ESRRG: variants seen among roughly 807,000 people sequenced by gnomAD.
ESRRG encodes the protein estrogen related receptor gamma, also known as estrogen-related receptor gamma.
Under a neutral mutation model 44.0 loss-of-function variants are expected in ESRRG, and 13 were observed. That is an observed-to-expected ratio of 0.30 (90% CI 0.19 to 0.47). The LOEUF is 0.47. ESRRG is among the 20% of genes least tolerant of loss of function. ESRRG has a pLI of 1.00. For missense variants in ESRRG, 395 were observed against 580.6 expected (o/e 0.68, Z 3.29); for synonymous variants, 215 against 214.6 (o/e 1.00, Z -0.02).
intron 1 of ESRRG, among the ~76,000 whole-genome samples, chr1:217,079,114 A>G (rs1237875078): frequency 6.6e-6 from 1 of 152,214 alleles, no homozygotes; most frequent in Non-Finnish European, 1.5e-5. Flanking sequence ...TAGTAGTGAA[A>G]GTTAAGACAG....
chr1:216,601,919 C>G (rs937102739), intron 3 of ESRRG, among the ~76,000 whole-genome samples: 13 of 152,168 alleles, frequency 8.5e-5, no homozygotes, highest in African/African-American at 3.1e-4. Flanking sequence ...ATTCAAAGCC[C>G]TACAACCGAT....
chr1:217,016,360 G>A (rs1203836069), intron 1 of ESRRG, among the ~76,000 whole-genome samples: 3 of 151,950 alleles, frequency 2.0e-5, no homozygotes, highest in Non-Finnish European at 4.4e-5. Context: ...CATGTGATCC[G>A]ATATGTGATC....
intron 2 of ESRRG, among the ~76,000 whole-genome samples, chr1:216,760,587 A>T (rs1037542849): frequency 6.6e-6 from 1 of 151,992 alleles, no homozygotes; most frequent in Non-Finnish European, 1.5e-5. Context: ...TGGGTGACAC[A>T]GGGAGGTCTT....
At chr1:216,539,848 ATTAAG>A (rs941389471) in intron 5 of ESRRG, among the ~76,000 whole-genome samples, 3 of 152,098 alleles carry the variant, frequency 2.0e-5, no homozygotes, top group Admixed American at 6.6e-5. Flanking sequence ...AAAAAAGCGA[ATTAAG>A]TTAATTTGAG....
intron 1 of ESRRG, among the ~76,000 whole-genome samples, chr1:216,993,497 A>G (rs17044837): frequency 0.014 from 2,145 of 152,302 alleles, 72 homozygotes; most frequent in East Asian, 0.093. Context: ...GAGCAGAGAC[A>G]GTTGGATTTA....
At chr1:216,775,551 CTTTTTTTTTTTTTT>C (rs71163765) in intron 2 of ESRRG, among the ~76,000 whole-genome samples, 37 of 74,770 alleles carry the variant, frequency 4.9e-4, no homozygotes, top group African/African-American at 1.6e-3. Flanking sequence ...AATGTCACAT[CTTTTTTTTTTTTTT>C]TTTTTTTTTT....
chr1:216,856,766 T>C (rs2095948847), intron 2 of ESRRG, among the ~76,000 whole-genome samples: 1 of 152,182 alleles, frequency 6.6e-6, no homozygotes, highest in Non-Finnish European at 1.5e-5. Context: ...ATTTTCCAAC[T>C]GCAAAGAGAT....
intron 2 of ESRRG, among the ~76,000 whole-genome samples, chr1:216,881,848 C>G (rs1247922583): frequency 6.6e-6 from 1 of 152,072 alleles, no homozygotes; most frequent in Non-Finnish European, 1.5e-5. Flanking sequence ...GTGTTGTGAA[C>G]CATCTGGTAA....
intron 1 of ESRRG, among the ~76,000 whole-genome samples, chr1:216,995,187 C>T (rs182166670): frequency 3.9e-4 from 60 of 152,302 alleles, no homozygotes; most frequent in Non-Finnish European, 6.6e-4. Context: ...AATACATATG[C>T]ATGCCCTGTT....
At position 216,677,153 on chromosome 1, in the gene ESRRG, CCA is replaced by C. The variant is rs780654625; in HGVS notation, c.393_394del (p.Cys131TrpfsTer2). The C allele has an allele frequency of 6.2e-7, 1 of 1,614,078 alleles. No homozygotes were observed. Among genetic ancestry groups the C allele is most frequent in the Non-Finnish European group, 8.5e-7 (1 of 1,179,942 alleles). Reference sequence around the variant, plus strand: ...ATAGTGGTACCCAGAAGCGATGTCACCACACACTAAACACAGTCTCTTGGGCA... The same window carrying C: ...ATAGTGGTACCCAGAAGCGATGTCACCACACTAAACACAGTCTCTTGGGCA... On this transcript the variant is annotated frameshift_variant, in exon 2 of 7. Transcript: ENST00000408911. LOFTEE classifies it high-confidence loss of function.
chr1:217,002,999 C>A (rs1225952447), intron 1 of ESRRG, among the ~76,000 whole-genome samples: 1 of 152,124 alleles, frequency 6.6e-6, no homozygotes, highest in African/African-American at 2.4e-5. Context: ...GTTACTCAAG[C>A]GCAGATAACT....
chr1:216,735,471 T>C (rs1357215042), intron 2 of ESRRG, among the ~76,000 whole-genome samples: 8 of 151,518 alleles, frequency 5.3e-5, no homozygotes, highest in Admixed American at 5.3e-4. Context: ...GCCTCCCAAA[T>C]TGCTGGGATT....
At chr1:216,860,181 C>T (rs1264999618) in intron 2 of ESRRG, among the ~76,000 whole-genome samples, 1 of 152,148 alleles carries the variant, frequency 6.6e-6, no homozygotes, top group African/African-American at 2.4e-5. Flanking sequence ...AGAAGAATTG[C>T]TTAAACCTGG....
intron 2 of ESRRG, among the ~76,000 whole-genome samples, chr1:216,740,298 A>G (rs1444667967): frequency 6.6e-6 from 1 of 152,182 alleles, no homozygotes; most frequent in African/African-American, 2.4e-5. Context: ...TTGATAAGGG[A>G]GTTAAAAACC....
chr1:217,102,700 C>T (rs1261847742), intron 1 of ESRRG, among the ~76,000 whole-genome samples: 1 of 152,172 alleles, frequency 6.6e-6, no homozygotes, highest in Non-Finnish European at 1.5e-5. Flanking sequence ...ACATTCCAAG[C>T]AATGTTTTTC....
intron 2 of ESRRG, among the ~76,000 whole-genome samples, chr1:216,841,780 C>A (rs183205532): frequency 1.6e-3 from 245 of 152,202 alleles, no homozygotes; most frequent in African/African-American, 5.5e-3. Flanking sequence ...GGGAAATGCA[C>A]ATGTTGGTTC....
intron 3 of ESRRG, among the ~76,000 whole-genome samples, chr1:216,594,373 T>C (rs923071961): frequency 1.3e-5 from 2 of 152,220 alleles, no homozygotes; most frequent in African/African-American, 4.8e-5. Flanking sequence ...TTTCTTTGAA[T>C]ACTATTCCAA....
intron 2 of ESRRG, among the ~76,000 whole-genome samples, chr1:216,673,007 C>A (rs548078346): frequency 1.3e-5 from 2 of 152,106 alleles, no homozygotes; most frequent in African/African-American, 4.8e-5. Context: ...ATTTATGTAA[C>A]GGCCTGTCCA....
intron 2 of ESRRG, among the ~76,000 whole-genome samples, chr1:216,847,688 C>G (rs1333089362): frequency 6.6e-6 from 1 of 152,064 alleles, no homozygotes; most frequent in African/African-American, 2.4e-5. Flanking sequence ...GTCTGTGATT[C>G]TACTATGATA....
Sources: allele counts gnomAD v4.1 joint callset (sites outside exome capture counted in the v4.1 genomes callset), GRCh38; gene constraint gnomAD v4.1.1; transcripts MANE v1.5; gene names NCBI Gene and HGNC (gene_info 2026-07-23, HGNC 2026-07-21).